Variants in YAP1 observed in about 807,000 individuals in gnomAD.
YAP1 encodes the protein Yes1 associated transcriptional regulator.
A neutral mutation model predicts 56.9 loss-of-function variants in YAP1; 5 were observed. The observed-to-expected ratio is 0.09, with a 90% CI of 0.05 to 0.18. The LOEUF is 0.18. Ranked by LOEUF, YAP1 falls within the 10% of genes least tolerant of loss-of-function variation. YAP1 has a pLI of 1.00. For missense variants in YAP1, 539 were observed against 651.8 expected, an observed-to-expected ratio of 0.83 and a Z score of 1.88; for synonymous variants, 265 against 248.1, an observed-to-expected ratio of 1.07 and a Z score of -0.64.
intron 4 of YAP1, among the ~76,000 whole-genome samples, chr11:102,196,526 A>T (rs1159172474): frequency 1.3e-5 from 2 of 152,244 alleles, no homozygotes; most frequent in South Asian, 4.1e-4. Context: ...ATTCATAGAG[A>T]CAGAAGTAGA....
At chr11:102,217,038 C>T (rs1949703067) in intron 6 of YAP1, among the ~76,000 whole-genome samples, 1 of 152,162 alleles carries the variant, frequency 6.6e-6, no homozygotes, top group South Asian at 2.1e-4. Context: ...CTAAGGGTCC[C>T]AGTTTGTTCT....
chr11:102,188,641 C>CT (rs1945031391), intron 4 of YAP1, among the ~76,000 whole-genome samples: 1 of 113,920 alleles, frequency 8.8e-6, no homozygotes, highest in African/African-American at 2.7e-5. Context: ...GTTCAGCACA[C>CT]TAACAGGCTG....
intron 3 of YAP1, among the ~76,000 whole-genome samples, chr11:102,184,076 C>CA (rs1226783169): frequency 0.041 from 1,920 of 46,732 alleles, 40 homozygotes; most frequent in East Asian, 0.11. Flanking sequence ...GACTCCGTCT[C>CA]AAAAAAAAAA....
chr11:102,125,723 T>C (rs1264567276), intron 2 of YAP1, among the ~76,000 whole-genome samples: 1 of 152,126 alleles, frequency 6.6e-6, no homozygotes, highest in East Asian at 1.9e-4. Flanking sequence ...TCTGAGCTCA[T>C]TGTTTATTAT....
chr11:102,123,862 C>T (rs1943858449), intron 2 of YAP1, among the ~76,000 whole-genome samples: 2 of 151,810 alleles, frequency 1.3e-5, no homozygotes, highest in South Asian at 2.1e-4. Context: ...CTCCTGACCT[C>T]GTGATCCGCC....
chr11:102,113,172 TCTAA>T (rs2135106701), intron 1 of YAP1, among the ~76,000 whole-genome samples: 1 of 152,318 alleles, frequency 6.6e-6, no homozygotes, highest in Admixed American at 6.5e-5. Context: ...TCTAGGAAAT[TCTAA>T]CTTTTTGATA....
intron 4 of YAP1, among the ~76,000 whole-genome samples, chr11:102,192,414 A>G (rs1948341857): frequency 6.6e-6 from 1 of 152,200 alleles, no homozygotes; most frequent in Non-Finnish European, 1.5e-5. Context: ...TGTCATTTTC[A>G]ATCTCCTCCA....
At chr11:102,203,804 A>G (rs1005952701) in intron 4 of YAP1, among the ~76,000 whole-genome samples, 4 of 152,230 alleles carry the variant, frequency 2.6e-5, no homozygotes, top group Admixed American at 1.3e-4. Context: ...TACTATTTCA[A>G]AACATGTGGG....
intron 2 of YAP1, among the ~76,000 whole-genome samples, chr11:102,117,936 G>A (rs1225872956): frequency 6.6e-6 from 1 of 152,116 alleles, no homozygotes; most frequent in Non-Finnish European, 1.5e-5. Context: ...TCTTCAAGTA[G>A]TTGGTCAACA....
At chr11:102,205,805 T>A in intron 4 of YAP1, 88 bp from the exon 5 acceptor site, 1 of 1,327,018 alleles carries the variant, frequency 7.5e-7, no homozygotes, top group Non-Finnish European at 9.9e-7. Context: ...ACATCGAATA[T>A]CCCAAATTGC....
At chr11:102,111,660 C>G (rs1386816533) in intron 1 of YAP1, among the ~76,000 whole-genome samples, 1 of 152,154 alleles carries the variant, frequency 6.6e-6, no homozygotes, top group Non-Finnish European at 1.5e-5. Flanking sequence ...CCAGCGGCGG[C>G]CGAGTTTGTG....
At position 102,172,475 on chromosome 11, in the gene YAP1, C is replaced by CTTTTTT. The variant is rs368895891; in HGVS notation, c.688+9904_688+9905insTTTTTT. On this transcript the variant is annotated intron_variant, in intron 3 of 8. Transcript: ENST00000282441. The stretch of plus-strand genomic sequence containing the variant: ...TACAGGCATACGGCACCATGCACAG[C>CTTTTTT]GTTTTTTTTTTTTTTTTTTTGGTAG... Among the ~76,000 whole-genome samples the CTTTTTT allele has an allele frequency of 2.8e-5, 3 of 106,214 alleles. 1 individual carries two copies. Among genetic ancestry groups the CTTTTTT allele is most frequent in the Non-Finnish European group, 1.9e-5 (1 of 53,228 alleles). The allele number at this position is 106,214 out of a possible 152,430, so 69.7% of individuals were successfully genotyped here. A position where few individuals can be genotyped will look rare whatever the true frequency, so the allele number is the denominator to read the frequency against.
intron 2 of YAP1, among the ~76,000 whole-genome samples, chr11:102,138,810 T>C (rs1944835569): frequency 1.3e-5 from 2 of 152,236 alleles, no homozygotes; most frequent in Non-Finnish European, 2.9e-5. Context: ...GGTATCTATA[T>C]ACATAAATAT....
rs1950478385 is a variant in YAP1, at chr11:102,232,921, A to G, written c.*2981A>G. On this transcript the variant is annotated 3_prime_UTR_variant, in exon 9 of 9. Transcript: ENST00000282441. ...CAGGGAAGTGACTTTGCTACAAATA[A>G]TGTTGCTGTGTTAAGTATTCATATT... The G allele has an allele frequency of 6.6e-6, 1 of 152,350 alleles. No homozygotes were observed. Among genetic ancestry groups the G allele is most frequent in the African/African-American group, 2.4e-5 (1 of 41,452 alleles). 9.4% of individuals were successfully genotyped at this position (152,350 alleles called of 1,614,324 possible).
At chr11:102,212,730 C>T (rs935072242) in intron 6 of YAP1, among the ~76,000 whole-genome samples, 3 of 152,004 alleles carry the variant, frequency 2.0e-5, no homozygotes, top group East Asian at 1.9e-4. Context: ...TACAGGCATT[C>T]GCCACCATGC....
At chr11:102,190,725 G>A (rs1404388864) in intron 4 of YAP1, among the ~76,000 whole-genome samples, 2 of 152,084 alleles carry the variant, frequency 1.3e-5, no homozygotes, top group African/African-American at 4.8e-5. Flanking sequence ...ATCACTTTAG[G>A]TAAGGAGTTC....
chr11:102,119,829 C>A (rs1343506936), intron 2 of YAP1, among the ~76,000 whole-genome samples: 1 of 151,870 alleles, frequency 6.6e-6, no homozygotes, highest in African/African-American at 2.4e-5. Flanking sequence ...TGTTTTATTG[C>A]CAAAATATAT....
Position 102,162,560 on chromosome 11 carries a change from A to T in YAP1, c.677A>T (p.Asn226Ile). Reference protein sequence around the residue: ...TSPPVQQNMMNSASGPLPDGW... With the variant: ...TSPPVQQNMMISASGPLPDGW... The stretch of plus-strand genomic sequence containing the variant: ...CCACCAGTGCAGCAGAATATGATGA[A>T]CTCGGCTTCAGGTGAGTGAGACACT... Residue 226 changes from asparagine to isoleucine, a missense_variant, in exon 3 of 9, where the codon AAC becomes ATC. By Grantham distance (149) the Asn-to-Ile change is moderately radical (BLOSUM62 -3). Around this residue, in one of 4 missense-constraint regions of YAP1, gnomAD observed 414 missense variants for 512.4 expected, o/e 0.81. Coordinates refer to ENST00000282441, the MANE Select transcript of YAP1 (RefSeq NM_001130145.3). The T allele has an allele frequency of 6.2e-7, 1 of 1,614,094 alleles. No individual in the cohort carries two copies. Among genetic ancestry groups the T allele is most frequent in the Non-Finnish European group, 8.5e-7 (1 of 1,179,986 alleles).
At chr11:102,183,375 G>A (rs1379391209) in intron 3 of YAP1, among the ~76,000 whole-genome samples, 1 of 152,192 alleles carries the variant, frequency 6.6e-6, no homozygotes, top group East Asian at 1.9e-4. Flanking sequence ...TTGATGGAGA[G>A]CAATAGGAAT....
Sources: allele counts gnomAD v4.1 joint callset (sites outside exome capture counted in the v4.1 genomes callset), GRCh38; gene constraint gnomAD v4.1.1; regional missense constraint gnomAD v4.1.1; transcripts MANE v1.5; gene names NCBI Gene and HGNC (gene_info 2026-07-23, HGNC 2026-07-21).